CFAP418: variants seen among roughly 807,000 people sequenced by gnomAD.
The protein encoded by CFAP418 is cilia and flagella associated protein 418, also known as cilia- and flagella-associated protein 418.
Under a neutral mutation model 24.7 loss-of-function variants are expected in CFAP418, and 27 were observed. The observed-to-expected ratio is 1.09, with a 90% CI of 0.81 to 1.51. The LOEUF (loss-of-function observed/expected upper bound fraction) is 1.51, where lower values mean the gene tolerates loss of function less well. Among genes scored for constraint, CFAP418 ranks in the 40% most tolerant of loss-of-function variants. The pLI is 0.00. For missense variants in CFAP418, 257 were observed against 255.2 expected, an observed-to-expected ratio of 1.01 and a Z score of -0.05; for synonymous variants, 74 against 87.3, an observed-to-expected ratio of 0.85 and a Z score of 0.85.
rs1811600996 is a variant in CFAP418 at position 95,245,409 on chromosome 8, G to A, written c.*2208C>T. ...TGCCAAACATAGGCAATGTATGTAA[G>A]TTTTAGGATAGTTATAATGAAATAA... On this transcript the variant is annotated 3_prime_UTR_variant, in exon 6 of 6. Coordinates refer to ENST00000286688, the MANE Select transcript of CFAP418 (RefSeq NM_177965.4). 1 of 152,086 alleles carries A rather than the reference G, an allele frequency of 6.6e-6. No homozygotes were observed. Among genetic ancestry groups the A allele is most frequent in the African/African-American group, 2.4e-5 (1 of 41,410 alleles). The allele number at this position is 152,086 out of a possible 1,614,324, so 9.4% of individuals were successfully genotyped here.
intron 4 of CFAP418, among the ~76,000 whole-genome samples, chr8:95,253,781 C>A (rs1439223764): frequency 3.4e-5 from 5 of 146,878 alleles, no homozygotes; most frequent in Non-Finnish European, 6.0e-5. Flanking sequence ...TCAGGAAATG[C>A]AAATTGATAG....
intron 5 of CFAP418, 140 bp from the exon 6 acceptor site, chr8:95,247,910 G>A: frequency 1.1e-6 from 1 of 873,694 alleles, no homozygotes. Context: ...CTGGATTGCG[G>A]TGGCACAATC....
chr8:95,263,743 GATC>G lies in CFAP418; in HGVS notation c.184_186del (p.Asp62del), dbSNP rs1811931160. 6.2e-7 allele frequency: 1 copy of G among 1,608,484 alleles called. No individual in the cohort carries two copies. Among genetic ancestry groups the G allele is most frequent in the Non-Finnish European group, 8.5e-7 (1 of 1,176,000 alleles). On this transcript the variant is annotated inframe_deletion, in exon 2 of 6. Coordinates refer to ENST00000286688, the MANE Select transcript of CFAP418 (RefSeq NM_177965.4). ...AGTATTTCATTAATAAGACTGTCAA[GATC>G]ATCTTCTTTTTTAAATGTTTCTGTT... is the stretch of plus-strand genomic sequence containing the variant.
chr8:95,247,305 T>A lies in CFAP418; in HGVS notation c.*312A>T. 1 of 299,942 alleles carries A rather than the reference T, an allele frequency of 3.3e-6. No homozygotes were observed. The highest frequency in any genetic ancestry group is 6.3e-6 in the Non-Finnish European group (1 of 159,470). 18.6% of individuals were successfully genotyped at this position (299,942 alleles called of 1,614,324 possible). On this transcript the variant is annotated 3_prime_UTR_variant, in exon 6 of 6. Transcript: ENST00000286688. ...ACGTATTAGCAATCAATATTGCAGTTGCTAATGAAAAACTAGATATTTGTA... is the reference window on the plus strand; with the variant it reads ...ACGTATTAGCAATCAATATTGCAGTAGCTAATGAAAAACTAGATATTTGTA...
At chr8:95,267,552 G>A (rs1340356507) in intron 1 of CFAP418, among the ~76,000 whole-genome samples, 2 of 152,160 alleles carry the variant, frequency 1.3e-5, no homozygotes, top group Non-Finnish European at 2.9e-5. Flanking sequence ...GTGGGCCACT[G>A]CACTCCAGCC....
rs994850937 is a variant in CFAP418 at position 95,269,137 on chromosome 8, G to A, written c.53C>T (p.Thr18Ile). The change falls in exon 1 of 6, where the codon ACA becomes ATA. Residue 18 changes from threonine (T) to isoleucine (I), a missense_variant. Thr to Ile is a moderately conservative substitution (Grantham distance 89, BLOSUM62 -1). Coordinates refer to ENST00000286688, the MANE Select transcript of CFAP418 (RefSeq NM_177965.4). Reference sequence around the variant, plus strand: ...CATACCCCGTCTTAGAAGGTCAGGTGTGCAAAACTTGGACTCGACTTCATC... The same window carrying A: ...CATACCCCGTCTTAGAAGGTCAGGTATGCAAAACTTGGACTCGACTTCATC... ...LLDEVESKFC[T>I]PDLLRRGMVE... The A allele has an allele frequency of 6.2e-7, 1 of 1,614,254 alleles. No homozygotes were observed. Among genetic ancestry groups the A allele is most frequent in the East Asian group, 2.2e-5 (1 of 44,892 alleles).
intron 5 of CFAP418, among the ~76,000 whole-genome samples, chr8:95,250,492 G>A (rs1811689690): frequency 1.3e-5 from 2 of 152,176 alleles, no homozygotes; most frequent in African/African-American, 4.8e-5. Context: ...CCACTGCCTT[G>A]ATGTTACATG....
intron 1 of CFAP418, among the ~76,000 whole-genome samples, chr8:95,265,854 T>C (rs2132166098): frequency 6.6e-6 from 1 of 152,348 alleles, no homozygotes. Flanking sequence ...TATAAGACTC[T>C]TTTTGGTCTT....
chr8:95,264,274 T>C (rs541018126), intron 1 of CFAP418, among the ~76,000 whole-genome samples: 7 of 152,288 alleles, frequency 4.6e-5, no homozygotes, highest in Admixed American at 4.6e-4. Flanking sequence ...AGACAGAATA[T>C]CTCAACTACT....
intron 4 of CFAP418, among the ~76,000 whole-genome samples, chr8:95,252,492 T>TA (rs1219673728): frequency 6.6e-5 from 10 of 152,270 alleles, no homozygotes; most frequent in African/African-American, 2.4e-4. Flanking sequence ...CAAACCTACC[T>TA]ATTTTACTAT....
chr8:95,263,438 A>C (rs1811925648), intron 2 of CFAP418, among the ~76,000 whole-genome samples: 1 of 152,182 alleles, frequency 6.6e-6, no homozygotes, highest in Admixed American at 6.5e-5. Flanking sequence ...TTGATGTGTG[A>C]GTTGACTTCT....
intron 4 of CFAP418, among the ~76,000 whole-genome samples, chr8:95,256,419 C>G (rs1241713591): frequency 1.3e-5 from 2 of 152,144 alleles, no homozygotes; most frequent in African/African-American, 4.8e-5. Context: ...GTCTTTTGCA[C>G]CATAGGCATA....
intron 3 of CFAP418, 69 bp from the exon 4 acceptor site, chr8:95,259,974 G>T: frequency 7.2e-7 from 1 of 1,391,988 alleles, no homozygotes; most frequent in Admixed American, 2.5e-5. Flanking sequence ...ATTTGGCCAT[G>T]TTAAAAAAAT....
rs1811929259 is a variant in CFAP418 at position 95,263,689 on chromosome 8, A to C, written c.241T>G (p.Ser81Ala). ...LEEPNLDKKP[S>A]KLKSKSSGNT... Reference sequence around the variant, plus strand: ...CATATTTATAACACTTGACTTACAGAGGGTTTTTTGTCCAAGTTGGGCTCT... The same window carrying C: ...CATATTTATAACACTTGACTTACAGCGGGTTTTTTGTCCAAGTTGGGCTCT... The change falls in exon 2 of 6, where the codon TCT (serine) becomes GCT (alanine). Residue 81 changes from serine (S) to alanine (A), a missense_variant and splice_region_variant. Transcript: ENST00000286688. 6.3e-7 allele frequency: 1 copy of C among 1,579,870 alleles called. No homozygotes were observed.
intron 5 of CFAP418, among the ~76,000 whole-genome samples, chr8:95,248,574 A>G (rs1288074301): frequency 6.6e-6 from 1 of 152,216 alleles, no homozygotes; most frequent in African/African-American, 2.4e-5. Context: ...AAATATTAAT[A>G]ATGTTGAAAT....
rs886063191 is a variant in CFAP418 at position 95,245,930 on chromosome 8, A to T, written c.*1687T>A. The T allele has an allele frequency of 6.6e-6, 1 of 152,182 alleles. No homozygotes were observed. The highest frequency in any genetic ancestry group is 6.5e-5 in the Admixed American group (1 of 15,290). The allele number at this position is 152,182 out of a possible 1,614,324, so 9.4% of individuals were successfully genotyped here. On this transcript the variant is annotated 3_prime_UTR_variant, in exon 6 of 6. Transcript: ENST00000286688. ...CCCCCTAGGTTTCTGACTCAATTAC[A>T]TATAGATATAACTTTAGGGATATAA...
At chr8:95,260,431 A>G in intron 3 of CFAP418, 37 bp downstream of exon 3, 1 of 1,433,216 alleles carries the variant, frequency 7.0e-7, no homozygotes, top group Non-Finnish European at 9.6e-7. Flanking sequence ...TGTTTGCTCA[A>G]TAGTGTGTAT....
chr8:95,257,249 A>G (rs1049623667), intron 4 of CFAP418, among the ~76,000 whole-genome samples: 8 of 152,184 alleles, frequency 5.3e-5, no homozygotes, highest in Non-Finnish European at 8.8e-5. Context: ...CAGCAACAAC[A>G]CTACCTCTAC....
chr8:95,268,845 G>A (rs62524394), intron 1 of CFAP418, 190 bp downstream of exon 1: 100,202 of 602,078 alleles, frequency 0.17, 9,505 homozygotes, highest in South Asian at 0.25. Flanking sequence ...GAGTGAAGAG[G>A]TGCCAGAATC....
Sources: allele counts gnomAD v4.1 joint callset (sites outside exome capture counted in the v4.1 genomes callset), GRCh38; gene constraint gnomAD v4.1.1; transcripts MANE v1.5; gene names NCBI Gene and HGNC (gene_info 2026-07-23, HGNC 2026-07-21).